Variants in ADAMTS19 observed in about 807,000 individuals in gnomAD.
ADAMTS19 encodes ADAM metallopeptidase with thrombospondin type 1 motif 19.
In ADAMTS19, 93 loss-of-function variants were observed where a neutral mutation model predicts 153.3. The ratio of observed to expected loss-of-function variants is 0.61; its 90% CI spans 0.51 to 0.72. The LOEUF is 0.72. Ranked by LOEUF, ADAMTS19 falls within the 30% of genes least tolerant of loss-of-function variation. ADAMTS19 has a pLI of 0.00. For missense variants in ADAMTS19, 1,482 were observed against 1,552.1 expected (o/e 0.95, Z 0.76); for synonymous variants, 600 against 556.6 (o/e 1.08, Z -1.10).
intron 2 of ADAMTS19, among the ~76,000 whole-genome samples, chr5:129,485,430 A>C (rs1199282549): frequency 6.6e-6 from 1 of 152,164 alleles, no homozygotes; most frequent in East Asian, 1.9e-4. Flanking sequence ...AAAAGAAGAA[A>C]TTAAACCTGA....
chr5:129,664,098 GAA>G (rs33935968), intron 15 of ADAMTS19, among the ~76,000 whole-genome samples: 8 of 149,448 alleles, frequency 5.4e-5, no homozygotes, highest in African/African-American at 2.0e-4. Context: ...TTTTAACAAG[GAA>G]AAAAAAAATC....
chr5:129,681,625 C>T (rs1422151325), intron 17 of ADAMTS19, among the ~76,000 whole-genome samples: 5 of 152,032 alleles, frequency 3.3e-5, no homozygotes, highest in Non-Finnish European at 5.9e-5. Context: ...GCTGTAAAAA[C>T]CTAGGTATTA....
chr5:129,486,050 C>CA (rs1750581036), intron 2 of ADAMTS19, among the ~76,000 whole-genome samples: 1 of 152,136 alleles, frequency 6.6e-6, no homozygotes, highest in African/African-American at 2.4e-5. Flanking sequence ...CTCACCCTCC[C>CA]AAACTGCTGG....
rs563308362 is a variant in ADAMTS19, at chr5:129,676,010, G to A, written c.2507-3754G>A. Among the ~76,000 whole-genome samples the A allele has an allele frequency of 5.9e-5, 9 of 152,196 alleles. No homozygotes were observed. In the East Asian group the frequency reaches 1.5e-3, roughly 26 times the overall value. Reference sequence around the variant, plus strand: ...AGATGGCGCCACTGCACTCCAATCTGGGTGACAGAGTGAGACTCCATCTCA... The same window carrying A: ...AGATGGCGCCACTGCACTCCAATCTAGGTGACAGAGTGAGACTCCATCTCA... On this transcript the variant is annotated intron_variant, in intron 16 of 22. Coordinates refer to ENST00000274487, the MANE Select transcript of ADAMTS19 (RefSeq NM_133638.6).
Position 129,737,106 on chromosome 5 carries a change from T to C in ADAMTS19, c.3530T>C (p.Val1177Ala). 1 of 1,608,770 alleles carries C rather than the reference T, an allele frequency of 6.2e-7. No individual in the cohort carries two copies. Among genetic ancestry groups the C allele is most frequent in the Non-Finnish European group, 8.5e-7 (1 of 1,176,544 alleles). Residue 1177 changes from valine to alanine, a missense_variant, in exon 23 of 23, where the codon GTG becomes GCG. Val to Ala is a moderately conservative substitution (Grantham distance 64). Around this residue, in one of 2 missense-constraint regions of ADAMTS19, gnomAD observed 616 missense variants for 724.4 expected, o/e 0.85. Coordinates refer to ENST00000274487, the MANE Select transcript of ADAMTS19 (RefSeq NM_133638.6). ...TFKCLGDQWPVYCRVIREKNL... is the reference protein window; with the variant it reads ...TFKCLGDQWPAYCRVIREKNL... ...AAGTGCCTGGGAGATCAGTGGCCAGTGTACTGCCGAGTGATACGTGAAAAG... is the reference window on the plus strand; with the variant it reads ...AAGTGCCTGGGAGATCAGTGGCCAGCGTACTGCCGAGTGATACGTGAAAAG...
chr5:129,721,121 G>A (rs953118787), intron 21 of ADAMTS19, among the ~76,000 whole-genome samples: 4 of 152,088 alleles, frequency 2.6e-5, no homozygotes, highest in Non-Finnish European at 4.4e-5. Context: ...AATTAAACAC[G>A]TTTTACTTAT....
intron 7 of ADAMTS19, among the ~76,000 whole-genome samples, chr5:129,578,802 T>C (rs1027070313): frequency 2.6e-5 from 4 of 152,164 alleles, no homozygotes; most frequent in African/African-American, 9.7e-5. Flanking sequence ...TAGTATCCCA[T>C]TGTGTATATG....
intron 2 of ADAMTS19, among the ~76,000 whole-genome samples, chr5:129,474,815 TTC>T (rs1750173049): frequency 6.6e-6 from 1 of 152,306 alleles, no homozygotes; most frequent in Non-Finnish European, 1.5e-5. Context: ...GTGGTTTTAA[TTC>T]TGTTTTCCTA....
intron 2 of ADAMTS19, among the ~76,000 whole-genome samples, chr5:129,485,975 G>A (rs1372458936): frequency 6.6e-6 from 1 of 151,996 alleles, no homozygotes; most frequent in African/African-American, 2.4e-5. Flanking sequence ...ATTTTTAGTA[G>A]GGACAGGGTT....
chr5:129,576,578 G>A (rs996452961), intron 7 of ADAMTS19, among the ~76,000 whole-genome samples: 4 of 149,448 alleles, frequency 2.7e-5, no homozygotes, highest in South Asian at 2.1e-4. Flanking sequence ...AGTTTAAATT[G>A]CTTTATTCTT....
rs1752067830 is a variant in ADAMTS19 at position 129,527,779 on chromosome 5, G to A, written c.1118G>A (p.Ser373Asn). 6.3e-7 allele frequency: 1 copy of A among 1,596,294 alleles called. No homozygotes were observed. The highest frequency in any genetic ancestry group is 8.6e-7 in the Non-Finnish European group (1 of 1,167,500). ...AACCTTTTCCAACACAAGAGTCTGAGTGTGCAGGTCAATCTTCGTGTGATA... is the reference window on the plus strand; with the variant it reads ...AACCTTTTCCAACACAAGAGTCTGAATGTGCAGGTCAATCTTCGTGTGATA... The part of the protein sequence containing the change: ...VFNLFQHKSL[S>N]VQVNLRVIKL... The change falls in exon 5 of 23, where the codon AGT (serine) becomes AAT (asparagine). Residue 373 changes from serine to asparagine, a missense_variant. Transcript: ENST00000274487.
chr5:129,706,589 T>G (rs1756167387), intron 21 of ADAMTS19, among the ~76,000 whole-genome samples: 1 of 151,678 alleles, frequency 6.6e-6, no homozygotes, highest in Non-Finnish European at 1.5e-5. Flanking sequence ...ATGAAAAACT[T>G]AAATGTTAGT....
At chr5:129,700,144 C>T (rs1183379562) in intron 19 of ADAMTS19, among the ~76,000 whole-genome samples, 1 of 152,178 alleles carries the variant, frequency 6.6e-6, no homozygotes, top group Non-Finnish European at 1.5e-5. Flanking sequence ...ACTTTTCTGT[C>T]ATAGGTTTTA....
At chr5:129,655,871 C>G (rs1483065229) in intron 14 of ADAMTS19, among the ~76,000 whole-genome samples, 1 of 152,158 alleles carries the variant, frequency 6.6e-6, no homozygotes, top group Admixed American at 6.5e-5. Flanking sequence ...CTTTTGACTA[C>G]ATATTAATTT....
intron 6 of ADAMTS19, among the ~76,000 whole-genome samples, chr5:129,541,291 G>C (rs558188704): frequency 6.6e-6 from 1 of 151,416 alleles, no homozygotes; most frequent in African/African-American, 2.4e-5. Context: ...TAGTTTTATC[G>C]TGTTGTTTAG....
chr5:129,702,941 A>AAAAAAATATATATATATATATATATAT, intron 20 of ADAMTS19, among the ~76,000 whole-genome samples: 9 of 29,282 alleles, frequency 3.1e-4, no homozygotes, highest in Admixed American at 1.4e-3. Context: ...AAAAAAAAAA[A>AAAAAAATATATATATATATATATATAT]ATATATATAT....
Position 129,528,672 on chromosome 5 carries a change from A to C in ADAMTS19, c.1323A>C (p.Ile441=). The change falls in exon 6 of 23, where the codon ATA becomes ATC. Residue 441 remains isoleucine (I), a synonymous_variant. Transcript: ENST00000274487. ...CTTCAGTGGATGCAGCTATACTTAT[A>C]ACAAGGTAAATTTTCCAATGCCAAT... ...DMTSVDAAIL[I]TRKDFCVHKD... is the part of the protein sequence containing the mutation. 2 of 1,583,582 alleles carry C rather than the reference A, an allele frequency of 1.3e-6. No homozygotes were observed. The highest frequency in any genetic ancestry group is 2.4e-5 in the East Asian group (1 of 42,280).
chr5:129,716,270 T>C (rs1319719322), intron 21 of ADAMTS19, among the ~76,000 whole-genome samples: 1 of 152,130 alleles, frequency 6.6e-6, no homozygotes, highest in Non-Finnish European at 1.5e-5. Flanking sequence ...CAATCTCAGC[T>C]CACTGCATGC....
intron 2 of ADAMTS19, among the ~76,000 whole-genome samples, chr5:129,478,571 G>A (rs1378264329): frequency 6.6e-6 from 1 of 152,116 alleles, no homozygotes; most frequent in Non-Finnish European, 1.5e-5. Flanking sequence ...TTTAGAAACA[G>A]GGTCTTGCTC....
Sources: allele counts gnomAD v4.1 joint callset (sites outside exome capture counted in the v4.1 genomes callset), GRCh38; gene constraint gnomAD v4.1.1; regional missense constraint gnomAD v4.1.1; transcripts MANE v1.5; gene names NCBI Gene and HGNC (gene_info 2026-07-23, HGNC 2026-07-21).